The following ADGRB3 variants were observed in gnomAD, a reference collection of about 807,000 sequenced individuals.
The protein encoded by ADGRB3 is adhesion G protein-coupled receptor B3.
In ADGRB3, 37 loss-of-function variants were observed where a neutral mutation model predicts 193.4. The observed-to-expected ratio is 0.19, with a 90% CI of 0.15 to 0.25. The LOEUF is 0.25. Among genes scored for constraint, ADGRB3 ranks in the 10% least tolerant of loss-of-function variants. The pLI is 1.00. For synonymous variants in ADGRB3, 690 were observed against 644.2 expected, an observed-to-expected ratio of 1.07 and a Z score of -1.08; for missense variants, 1,637 against 1,852.9, an observed-to-expected ratio of 0.88 and a Z score of 2.14.
chr6:68,879,520 G>A (rs566960621), intron 3 of ADGRB3, among the ~76,000 whole-genome samples: 23 of 152,078 alleles, frequency 1.5e-4, no homozygotes, highest in East Asian at 5.8e-4. Context: ...GAGCCACCGC[G>A]CCTGGCCTAC....
At chr6:68,954,342 A>G (rs1306378407) in intron 6 of ADGRB3, among the ~76,000 whole-genome samples, 1 of 152,204 alleles carries the variant, frequency 6.6e-6, no homozygotes, top group African/African-American at 2.4e-5. Context: ...TCTGATGACT[A>G]ATAGATTCTC....
intron 3 of ADGRB3, among the ~76,000 whole-genome samples, chr6:68,874,982 A>T (rs932433733): frequency 6.6e-6 from 1 of 152,120 alleles, no homozygotes; most frequent in African/African-American, 2.4e-5. Context: ...CTTAATGACA[A>T]TCCACCACAA....
chr6:68,645,691 A>G (rs539841622), intron 3 of ADGRB3, among the ~76,000 whole-genome samples: 5 of 152,052 alleles, frequency 3.3e-5, no homozygotes, highest in East Asian at 1.9e-4. Context: ...TTCTTTTTTG[A>G]GACGGAGTTG....
chr6:69,126,564 G>C (rs1773857697), intron 17 of ADGRB3, among the ~76,000 whole-genome samples: 1 of 152,172 alleles, frequency 6.6e-6, no homozygotes, highest in Admixed American at 6.5e-5. Context: ...CTTTAGAAGA[G>C]AGAGAGAGAA....
chr6:69,118,888 T>C (rs1203121394), intron 17 of ADGRB3, among the ~76,000 whole-genome samples: 1 of 152,144 alleles, frequency 6.6e-6, no homozygotes, highest in East Asian at 1.9e-4. Context: ...AAAATTACTC[T>C]TTGGTAACAA....
At chr6:68,950,642 T>G (rs552154385) in intron 6 of ADGRB3, among the ~76,000 whole-genome samples, 1 of 152,278 alleles carries the variant, frequency 6.6e-6, no homozygotes, top group Non-Finnish European at 1.5e-5. Flanking sequence ...CCTATTTGAT[T>G]AAGCCAAAAT....
Position 69,388,983 on chromosome 6 carries a change from C to G in ADGRB3, c.*92C>G. 1.5e-6 allele frequency: 2 copies of G among 1,291,040 alleles called. No individual in the cohort carries two copies. Among genetic ancestry groups the G allele is most frequent in the South Asian group, 3.0e-5 (2 of 66,466 alleles). The allele number at this position is 1,291,040 out of a possible 1,614,324, so 80.0% of individuals were successfully genotyped here. On this transcript the variant is annotated 3_prime_UTR_variant, in exon 32 of 32. Transcript: ENST00000370598. ...TGACATTTCTATCTGGACAGTGTGA[C>G]TATCTTATGTCAGGACCTTCATGTG...
At chr6:68,999,266 CTTT>C (rs35115621) in intron 11 of ADGRB3, among the ~76,000 whole-genome samples, 16 of 133,112 alleles carry the variant, frequency 1.2e-4, no homozygotes, top group Admixed American at 1.5e-4. Flanking sequence ...TTTCCCTTTT[CTTT>C]TTTTTTTTTT....
chr6:69,203,310 T>C (rs1317428008), intron 17 of ADGRB3, among the ~76,000 whole-genome samples: 1 of 152,244 alleles, frequency 6.6e-6, no homozygotes, highest in East Asian at 1.9e-4. Flanking sequence ...AACTACACCT[T>C]GTTATAACCC....
At chr6:69,039,347 A>G (rs1770963520) in intron 13 of ADGRB3, among the ~76,000 whole-genome samples, 1 of 152,144 alleles carries the variant, frequency 6.6e-6, no homozygotes, top group South Asian at 2.1e-4. Context: ...GAAATTTTAT[A>G]TATATAGTTT....
intron 3 of ADGRB3, among the ~76,000 whole-genome samples, chr6:68,670,400 G>A (rs1009265752): frequency 1.3e-5 from 2 of 151,804 alleles, no homozygotes; most frequent in African/African-American, 2.4e-5. Flanking sequence ...CATAGTTTGA[G>A]GTCTTAGATT....
intron 23 of ADGRB3, chr6:69,332,390 A>C: frequency 2.0e-6 from 2 of 985,444 alleles, no homozygotes. Context: ...TTCTGCTTAG[A>C]AAAGCATGGT....
intron 15 of ADGRB3, among the ~76,000 whole-genome samples, chr6:69,060,930 A>G (rs1042824183): frequency 1.3e-5 from 2 of 152,062 alleles, no homozygotes; most frequent in African/African-American, 2.4e-5. Flanking sequence ...CAATTTCTCT[A>G]TTCTCACTTG....
rs201622125 is a variant in ADGRB3, at chr6:69,219,463, A to G, written c.2481-13827A>G. Among the ~76,000 whole-genome samples, 450 of 51,418 alleles carry G rather than the reference A, an allele frequency of 8.8e-3. 4 individuals carry two copies. The highest frequency in any genetic ancestry group is 0.061 in the Middle Eastern group (5 of 82). 33.7% of individuals were successfully genotyped at this position (51,418 alleles called of 152,430 possible). On this transcript the variant is annotated intron_variant, in intron 17 of 31. Transcript: ENST00000370598. ...TTAACTTAAAAATACACACACACGT[A>G]TATATATATATATATATATATATAT...
At chr6:69,188,832 C>G (rs1395180142) in intron 17 of ADGRB3, among the ~76,000 whole-genome samples, 1 of 152,038 alleles carries the variant, frequency 6.6e-6, no homozygotes. Context: ...CTCCATATAT[C>G]TTTTTTTAAT....
intron 17 of ADGRB3, among the ~76,000 whole-genome samples, chr6:69,131,901 T>A (rs1347752102): frequency 6.6e-6 from 1 of 152,036 alleles, no homozygotes; most frequent in Non-Finnish European, 1.5e-5. Context: ...TCTGTGTTAG[T>A]TTGCTGAGAA....
chr6:68,997,911 TA>T (rs1170891037), intron 11 of ADGRB3, among the ~76,000 whole-genome samples: 25 of 152,260 alleles, frequency 1.6e-4, no homozygotes, highest in African/African-American at 5.5e-4. Context: ...TTATTTTTTA[TA>T]TTATCTACCT....
At chr6:69,219,542 T>C (rs988702754) in intron 17 of ADGRB3, among the ~76,000 whole-genome samples, 1 of 148,084 alleles carries the variant, frequency 6.8e-6, no homozygotes, top group African/African-American at 2.5e-5. Context: ...TATACATGTG[T>C]ATATATTCTT....
At chr6:69,331,162 C>T (rs759442422) in intron 23 of ADGRB3, among the ~76,000 whole-genome samples, 19 of 151,988 alleles carry the variant, frequency 1.3e-4, no homozygotes, top group African/African-American at 3.6e-4. Flanking sequence ...CCAATGGTCC[C>T]GGGGGGTCAA....
Sources: allele counts gnomAD v4.1 joint callset (sites outside exome capture counted in the v4.1 genomes callset), GRCh38; gene constraint gnomAD v4.1.1; transcripts MANE v1.5; gene names NCBI Gene and HGNC (gene_info 2026-07-23, HGNC 2026-07-21).